Variants in ZFPM2 observed in about 807,000 individuals in gnomAD.
ZFPM2 encodes zinc finger protein, FOG family member 2.
ZFPM2 carries 20 observed loss-of-function variants against 98.6 expected under a neutral mutation model. The ratio of observed to expected loss-of-function variants is 0.20; its 90% CI spans 0.14 to 0.29. The LOEUF (loss-of-function observed/expected upper bound fraction) is 0.29. Ranked by LOEUF, ZFPM2 falls within the 10% of genes least tolerant of loss-of-function variation. The probability of loss-of-function intolerance (pLI) is 1.00; values close to 1 mark genes in which losing one functional copy is unlikely to be tolerated. For synonymous variants in ZFPM2, 518 were observed against 502.7 expected (o/e 1.03, Z -0.41); for missense variants, 1,310 against 1,388.6 (o/e 0.94, Z 0.90).
chr8:105,634,622 A>G (rs1646539772), intron 5 of ZFPM2, among the ~76,000 whole-genome samples: 2 of 152,150 alleles, frequency 1.3e-5, no homozygotes, highest in African/African-American at 2.4e-5. Flanking sequence ...GGCTTGACTA[A>G]TATCTTTCTC....
At chr8:105,621,469 C>A (rs1816545078) in intron 4 of ZFPM2, among the ~76,000 whole-genome samples, 1 of 152,138 alleles carries the variant, frequency 6.6e-6, no homozygotes. Context: ...ATGTCATCTG[C>A]AAACAGGGTC....
In ZFPM2 at chr8:105,803,613, CT is replaced by C; in HGVS notation, c.*76del. The C allele has an allele frequency of 7.0e-7, 1 of 1,429,804 alleles. No individual in the cohort carries two copies. The allele number at this position is 1,429,804 out of a possible 1,614,324, so 88.6% of individuals were successfully genotyped here. ...TAACCAGTCCAGAAAAAAAAATAAG[CT>C]GTTTGAATTACATCTGGGCAATCAG... On this transcript the variant is annotated 3_prime_UTR_variant, in exon 8 of 8. Transcript: ENST00000407775.
intron 5 of ZFPM2, among the ~76,000 whole-genome samples, chr8:105,703,549 A>G (rs1811189464): frequency 6.6e-6 from 1 of 152,066 alleles, no homozygotes. Flanking sequence ...TGTTTAGGAA[A>G]TGGGCAGAAT....
chr8:105,715,934 C>G (rs1240267227), intron 5 of ZFPM2, among the ~76,000 whole-genome samples: 1 of 152,074 alleles, frequency 6.6e-6, no homozygotes, highest in East Asian at 1.9e-4. Flanking sequence ...ATGAGAAACA[C>G]TGGTTCTTCA....
chr8:105,799,736 A>G (rs934706325), intron 7 of ZFPM2, among the ~76,000 whole-genome samples: 13 of 152,318 alleles, frequency 8.5e-5, no homozygotes, highest in African/African-American at 3.1e-4. Flanking sequence ...CTTACATGGG[A>G]CAAACTAGGG....
chr8:105,363,937 T>C (rs1455613582), intron 1 of ZFPM2, among the ~76,000 whole-genome samples: 2 of 152,166 alleles, frequency 1.3e-5, no homozygotes, highest in Admixed American at 1.3e-4. Flanking sequence ...TGGTTTATAG[T>C]CTGTCTTATG....
chr8:105,464,949 T>TAAAA (rs77152118), intron 3 of ZFPM2, among the ~76,000 whole-genome samples: 115 of 125,628 alleles, frequency 9.2e-4, no homozygotes, highest in African/African-American at 2.9e-3. Context: ...TTGAAAATGC[T>TAAAA]AAAAAAAAAA....
intron 3 of ZFPM2, among the ~76,000 whole-genome samples, chr8:105,530,882 G>A (rs1022712582): frequency 6.6e-5 from 10 of 152,082 alleles, no homozygotes; most frequent in Non-Finnish European, 1.3e-4. Context: ...AAGCGGGCCA[G>A]CCTAATATGT....
intron 2 of ZFPM2, among the ~76,000 whole-genome samples, chr8:105,420,276 GA>G (rs1440311590): frequency 6.6e-6 from 1 of 152,092 alleles, no homozygotes; most frequent in African/African-American, 2.4e-5. Flanking sequence ...CTCAAATCAA[GA>G]GTGCCAATGT....
At chr8:105,635,729 T>G (rs1271172799) in intron 5 of ZFPM2, among the ~76,000 whole-genome samples, 1 of 152,222 alleles carries the variant, frequency 6.6e-6, no homozygotes, top group African/African-American at 2.4e-5. Flanking sequence ...GGGACAAATT[T>G]CTGTTGTACA....
intron 1 of ZFPM2, among the ~76,000 whole-genome samples, chr8:105,410,136 A>T (rs1294913679): frequency 2.6e-5 from 4 of 151,762 alleles, no homozygotes; most frequent in African/African-American, 9.7e-5. Context: ...TACAAATTGT[A>T]TTAATTTAGA....
chr8:105,707,864 C>T (rs1178852711), intron 5 of ZFPM2, among the ~76,000 whole-genome samples: 1 of 152,140 alleles, frequency 6.6e-6, no homozygotes, highest in Non-Finnish European at 1.5e-5. Context: ...GGCACCTTAC[C>T]TCATGGACAT....
intron 5 of ZFPM2, among the ~76,000 whole-genome samples, chr8:105,733,012 A>T (rs1177177065): frequency 1.3e-5 from 2 of 151,912 alleles, no homozygotes; most frequent in African/African-American, 4.8e-5. Flanking sequence ...TTATACACAA[A>T]TTCTTTAGCA....
chr8:105,784,775 T>C (rs1249198298), intron 5 of ZFPM2: 1 of 141,924 alleles, frequency 7.0e-6, no homozygotes, highest in African/African-American at 3.0e-5. Flanking sequence ...GCAGCCTGGT[T>C]CCATTGCCCA....
At chr8:105,611,667 C>T (rs1816309453) in intron 4 of ZFPM2, among the ~76,000 whole-genome samples, 1 of 151,594 alleles carries the variant, frequency 6.6e-6, no homozygotes, top group South Asian at 2.1e-4. Context: ...ATTCAATCTC[C>T]TTTTCCCTCC....
At chr8:105,796,102 T>C (rs949855037) in intron 6 of ZFPM2, among the ~76,000 whole-genome samples, 2 of 152,222 alleles carry the variant, frequency 1.3e-5, no homozygotes, top group Non-Finnish European at 2.9e-5. Flanking sequence ...CAATCAATGA[T>C]ATAGTACTTC....
At chr8:105,521,121 GTA>G (rs747838581) in intron 3 of ZFPM2, among the ~76,000 whole-genome samples, 23 of 132,930 alleles carry the variant, frequency 1.7e-4, no homozygotes, top group African/African-American at 3.3e-4. Context: ...GTGTATGTGT[GTA>G]TATATATATA....
intron 5 of ZFPM2, among the ~76,000 whole-genome samples, chr8:105,788,026 G>T (rs1813473103): frequency 6.6e-6 from 1 of 152,108 alleles, no homozygotes; most frequent in Admixed American, 6.5e-5. Context: ...TTATTTAAAT[G>T]AGCCTTTTTG....
At chr8:105,785,693 C>T (rs757527884) in intron 5 of ZFPM2, among the ~76,000 whole-genome samples, 23 of 149,914 alleles carry the variant, frequency 1.5e-4, no homozygotes, top group Admixed American at 3.3e-4. Flanking sequence ...TGCTTGAGCC[C>T]GGGAGTTCTA....
Sources: gnomAD v4.1 joint callset for allele counts (sites outside exome capture counted in the v4.1 genomes callset) on GRCh38, gnomAD v4.1.1 for gene constraint, MANE v1.5 for transcripts, NCBI Gene and HGNC (gene_info 2026-07-23, HGNC 2026-07-21) for gene names.